Variants in C11orf65 observed in about 807,000 individuals in gnomAD.
C11orf65 encodes chromosome 11 open reading frame 65.
A neutral mutation model predicts 35.3 loss-of-function variants in C11orf65; 38 were observed. The ratio of observed to expected loss-of-function variants is 1.08; its 90% CI spans 0.83 to 1.41. The LOEUF (loss-of-function observed/expected upper bound fraction) is 1.41, where lower values mean the gene tolerates loss of function less well. Ranked by LOEUF, C11orf65 falls within the 40% of genes most tolerant of loss-of-function variation. The pLI, the probability that C11orf65 is intolerant of heterozygous loss-of-function variation, is 0.00. For synonymous variants in C11orf65, 105 were observed against 114.4 expected (o/e 0.92, Z 0.53); for missense variants, 370 against 367.1 (o/e 1.01, Z -0.06).
rs2093368578 is a variant in C11orf65, at chr11:108,452,992, G to A, written c.81+8487C>T. On this transcript the variant is annotated intron_variant, in intron 2 of 8. Coordinates refer to ENST00000393084, the MANE Select transcript of C11orf65 (RefSeq NM_152587.5). ...AGGGTGGGGAACATCACACACCAGG[G>A]CCTGTCGTGGGGTGGGGGGAGGGGG... Among the ~76,000 whole-genome samples the A allele has an allele frequency of 2.7e-5, 3 of 112,936 alleles. No individual in the cohort carries two copies. In the South Asian group the frequency reaches 1.1e-3, roughly 42 times the overall value. 74.1% of individuals were successfully genotyped at this position (112,936 alleles called of 152,430 possible). A position where few individuals can be genotyped will look rare whatever the true frequency, so the allele number is the denominator to read the frequency against.
chr11:108,368,535 C>G (rs1343175749), intron 2 of C11orf65: 10 of 216,994 alleles, frequency 4.6e-5, no homozygotes, highest in Non-Finnish European at 8.3e-5. Context: ...TTGTCCAAGG[C>G]AAGAAGATAG....
upstream of C11orf65, among the ~76,000 whole-genome samples, chr11:108,468,858 C>G (rs1055483535): frequency 3.3e-5 from 5 of 152,134 alleles, no homozygotes; most frequent in Non-Finnish European, 7.4e-5. Flanking sequence ...AATCCCAGCA[C>G]TTTGGGAGGC....
chr11:108,425,794 C>A (rs1456019336), intron 3 of C11orf65, among the ~76,000 whole-genome samples: 1 of 152,160 alleles, frequency 6.6e-6, no homozygotes, highest in Non-Finnish European at 1.5e-5. Context: ...AAAAGCGTAT[C>A]CACCACGATC....
chr11:108,466,221 T>C (rs557128772), intron 1 of C11orf65, among the ~76,000 whole-genome samples: 3 of 152,252 alleles, frequency 2.0e-5, no homozygotes, highest in Admixed American at 6.5e-5. Context: ...ATATGGTTAT[T>C]ATGATGCTCC....
At chr11:108,324,398 A>G (rs1032923721) in intron 6 of C11orf65, among the ~76,000 whole-genome samples, 1 of 152,130 alleles carries the variant, frequency 6.6e-6, no homozygotes, top group Admixed American at 6.6e-5. Context: ...TTATTTTTGA[A>G]TAAATTAATA....
downstream of C11orf65, among the ~76,000 whole-genome samples, chr11:108,381,676 T>A (rs2091867225): frequency 6.6e-6 from 1 of 152,218 alleles, no homozygotes. Context: ...TCTGGGATCA[T>A]CTCCGAAATA....
At chr11:108,457,299 G>T (rs760343428) in intron 2 of C11orf65, among the ~76,000 whole-genome samples, 1 of 152,040 alleles carries the variant, frequency 6.6e-6, no homozygotes, top group Non-Finnish European at 1.5e-5. Context: ...AATTGTACAC[G>T]CACATTATTT....
intron 2 of C11orf65, among the ~76,000 whole-genome samples, chr11:108,356,911 C>G (rs1565587177): frequency 6.6e-6 from 1 of 152,192 alleles, no homozygotes; most frequent in South Asian, 2.1e-4. Flanking sequence ...CAATAACTGT[C>G]ACCTTTAAAC....
chr11:108,432,999 T>C (rs926853792), intron 2 of C11orf65, among the ~76,000 whole-genome samples: 8 of 152,142 alleles, frequency 5.3e-5, no homozygotes, highest in Non-Finnish European at 1.2e-4. Flanking sequence ...CTCATACATG[T>C]GGCCTTAGTC....
In C11orf65 at chr11:108,346,043, C is replaced by T. The variant is rs1210690593; in HGVS notation, c.227-10751G>A. 4.3e-6 allele frequency: 4 copies of T among 922,676 alleles called. No homozygotes were observed. The African/African-American group carries it at 6.6e-5, about 15-fold the overall frequency. The allele number at this position is 922,676 out of a possible 1,614,324, so 57.2% of individuals were successfully genotyped here. Reference sequence around the variant, plus strand: ...ATGATGTGGTTAGTAACCAACCCATCTTCATTATTAAATCATATGTTTCTT... The same window carrying T: ...ATGATGTGGTTAGTAACCAACCCATTTTCATTATTAAATCATATGTTTCTT... On this transcript the variant is annotated intron_variant, in intron 2 of 3. Coordinates refer to the C11orf65 transcript ENST00000524755.
At chr11:108,408,979 CCT>C (rs1382100641) in intron 3 of C11orf65, among the ~76,000 whole-genome samples, 1 of 151,890 alleles carries the variant, frequency 6.6e-6, no homozygotes, top group African/African-American at 2.4e-5. Flanking sequence ...AGTGTGAGAT[CCT>C]GTTATAAAAC....
intron 2 of C11orf65, chr11:108,343,121 C>A: frequency 1.4e-6 from 2 of 1,456,806 alleles, no homozygotes; most frequent in Non-Finnish European, 1.9e-6. Flanking sequence ...ATTAATACAA[C>A]TTGAAAAAAA....
intron 2 of C11orf65, among the ~76,000 whole-genome samples, chr11:108,351,030 T>C (rs2089140287): frequency 6.6e-6 from 1 of 152,206 alleles, no homozygotes; most frequent in Non-Finnish European, 1.5e-5. Context: ...ATAGGTAGAA[T>C]GGATGAACAA....
At chr11:108,343,425 A>T in intron 2 of C11orf65, 1 of 1,597,086 alleles carries the variant, frequency 6.3e-7, no homozygotes, top group African/African-American at 1.3e-5. Context: ...TGGCTTATTA[A>T]AGCTGACAGC....
chr11:108,375,914 T>C (rs1389407938), intron 2 of C11orf65, among the ~76,000 whole-genome samples: 1 of 152,100 alleles, frequency 6.6e-6, no homozygotes, highest in Non-Finnish European at 1.5e-5. Context: ...GGTAAAGGGA[T>C]CAATTCAACA....
intron 2 of C11orf65, among the ~76,000 whole-genome samples, chr11:108,350,401 T>A (rs1329681648): frequency 3.3e-5 from 5 of 152,154 alleles, no homozygotes; most frequent in Admixed American, 3.3e-4. Flanking sequence ...TTAGTAAGAA[T>A]AAGGGGTAGA....
chr11:108,380,409 G>A (rs988402468), downstream of C11orf65, among the ~76,000 whole-genome samples: 1 of 152,212 alleles, frequency 6.6e-6, no homozygotes, highest in Non-Finnish European at 1.5e-5. Flanking sequence ...TTAGATCAGA[G>A]ACAAGGAAAT....
At chr11:108,368,520 A>G (rs936740894) in intron 2 of C11orf65, 4 of 216,826 alleles carry the variant, frequency 1.8e-5, no homozygotes, top group African/African-American at 6.8e-5. Flanking sequence ...ATTTGGAGAA[A>G]TAAGTTGTCC....
intron 2 of C11orf65, among the ~76,000 whole-genome samples, chr11:108,442,970 A>G (rs990264555): frequency 6.6e-6 from 1 of 152,222 alleles, no homozygotes; most frequent in Non-Finnish European, 1.5e-5. Context: ...ATATAATAAT[A>G]TTAACTTTAA....
Sources: gnomAD v4.1 joint callset for allele counts (sites outside exome capture counted in the v4.1 genomes callset) on GRCh38, gnomAD v4.1.1 for gene constraint, MANE v1.5 for transcripts, NCBI Gene and HGNC (gene_info 2026-07-23, HGNC 2026-07-21) for gene names.